The following KHDRBS2 variants were observed in gnomAD, a reference collection of about 807,000 sequenced individuals.
The protein encoded by KHDRBS2 is KH domain-containing, RNA-binding, signal transduction-associated protein 2.
In KHDRBS2, 26 loss-of-function variants were observed where a neutral mutation model predicts 44.3. The ratio of observed to expected loss-of-function variants is 0.59; its 90% CI spans 0.43 to 0.81. The LOEUF is 0.81. KHDRBS2 is among the 40% of genes least tolerant of loss of function. KHDRBS2 has a pLI of 0.00. For missense variants in KHDRBS2, 476 were observed against 433.1 expected, an observed-to-expected ratio of 1.10 and a Z score of -0.88; for synonymous variants, 194 against 151.1, an observed-to-expected ratio of 1.28 and a Z score of -2.08.
chr6:62,061,187 T>A lies in KHDRBS2; in HGVS notation c.220-13193A>T, dbSNP rs4437451. On this transcript the variant is annotated intron_variant, in intron 2 of 8. Coordinates refer to ENST00000281156, the MANE Select transcript of KHDRBS2 (RefSeq NM_152688.4). Reference sequence around the variant, plus strand: ...AGTCCATTTACATTTAGAGTTAATATTGTTATGTGTGAATTTGATCCTGTC... The same window carrying A: ...AGTCCATTTACATTTAGAGTTAATAATGTTATGTGTGAATTTGATCCTGTC... Among the ~76,000 whole-genome samples the A allele has an allele frequency of 1.7e-3, 252 of 151,952 alleles. 1 individual carries two copies. Among genetic ancestry groups the A allele is most frequent in the African/African-American group, 5.7e-3 (236 of 41,500 alleles).
intron 1 of KHDRBS2, among the ~76,000 whole-genome samples, chr6:62,264,546 A>G (rs1296513419): frequency 6.6e-6 from 1 of 151,610 alleles, no homozygotes; most frequent in Non-Finnish European, 1.5e-5. Flanking sequence ...TTCCTTTACT[A>G]TAGCCTTTAT....
chr6:61,943,131 G>T (rs1263291102), intron 4 of KHDRBS2, among the ~76,000 whole-genome samples: 5 of 99,796 alleles, frequency 5.0e-5, no homozygotes, highest in Non-Finnish European at 7.2e-5. Context: ...AGAAAAGAAA[G>T]AAAGAAATAA....
At chr6:62,146,258 T>C (rs1284804682) in intron 2 of KHDRBS2, among the ~76,000 whole-genome samples, 1 of 151,854 alleles carries the variant, frequency 6.6e-6, no homozygotes, top group Non-Finnish European at 1.5e-5. Flanking sequence ...CAAAATCTGC[T>C]ATAGCTTTTA....
chr6:61,928,178 T>G (rs1809331210), intron 4 of KHDRBS2, among the ~76,000 whole-genome samples: 1 of 152,118 alleles, frequency 6.6e-6, no homozygotes, highest in Admixed American at 6.5e-5. Flanking sequence ...AATGTGATTG[T>G]TATCAACTCA....
chr6:61,548,346 C>T, the KHDRBS2 span, among the ~76,000 whole-genome samples: 4 of 152,124 alleles, frequency 2.6e-5, no homozygotes, highest in African/African-American at 7.2e-5. Flanking sequence ...ATCATTAGAG[C>T]TCAAATTACC....
chr6:61,614,965 G>A, the KHDRBS2 span, among the ~76,000 whole-genome samples: 2 of 151,972 alleles, frequency 1.3e-5, no homozygotes, highest in Non-Finnish European at 2.9e-5. Context: ...TGGGCATGGT[G>A]GCTCATGCCT....
intron 2 of KHDRBS2, among the ~76,000 whole-genome samples, chr6:62,074,878 G>A (rs1796020523): frequency 6.6e-6 from 1 of 151,860 alleles, no homozygotes; most frequent in South Asian, 2.1e-4. Context: ...CTCAGTAAAT[G>A]TATTATGCAA....
rs199917057 is a variant in KHDRBS2 at position 62,242,634 on chromosome 6, T to TA, written c.91+43223dup. Among the ~76,000 whole-genome samples the TA allele has an allele frequency of 1.3e-3, 186 of 148,222 alleles. 2 individuals are homozygous for TA. In the East Asian group the frequency reaches 0.018, roughly 15 times the overall value. Reference sequence around the variant, plus strand: ...TACAGCAAACAAGAAAATCTTAATTTAAAAAAAAAAATATTTTTCCCCTAG... The same window carrying TA: ...TACAGCAAACAAGAAAATCTTAATTTAAAAAAAAAAAATATTTTTCCCCTAG... On this transcript the variant is annotated intron_variant, in intron 1 of 8. Coordinates refer to ENST00000281156, the MANE Select transcript of KHDRBS2 (RefSeq NM_152688.4).
chr6:61,580,537 G>A, the KHDRBS2 span, among the ~76,000 whole-genome samples: 1 of 152,120 alleles, frequency 6.6e-6, no homozygotes, highest in Admixed American at 6.6e-5. Context: ...TGGGTCTGCT[G>A]CTCACTCTGG....
At chr6:61,577,659 TA>T in the KHDRBS2 span, among the ~76,000 whole-genome samples, 1 of 152,098 alleles carries the variant, frequency 6.6e-6, no homozygotes, top group Non-Finnish European at 1.5e-5. Flanking sequence ...AATAGTAAAA[TA>T]AGAAATATAC....
chr6:61,942,115 C>G (rs995336656), intron 4 of KHDRBS2, among the ~76,000 whole-genome samples: 2 of 151,204 alleles, frequency 1.3e-5, no homozygotes, highest in African/African-American at 4.8e-5. Context: ...CACACCACAC[C>G]TACCCAATTA....
intron 2 of KHDRBS2, among the ~76,000 whole-genome samples, chr6:62,062,977 A>G (rs1792406136): frequency 6.6e-6 from 1 of 151,300 alleles, no homozygotes; most frequent in Non-Finnish European, 1.5e-5. Flanking sequence ...AATACAAACT[A>G]CCATCAGAGA....
intron 2 of KHDRBS2, among the ~76,000 whole-genome samples, chr6:62,067,028 A>C (rs1455336416): frequency 6.6e-6 from 1 of 151,594 alleles, no homozygotes. Flanking sequence ...TTAAGTTTTA[A>C]ATTTTAACTT....
intron 6 of KHDRBS2, among the ~76,000 whole-genome samples, chr6:61,782,686 T>TGG (rs1783130615): frequency 4.2e-5 from 1 of 23,958 alleles, no homozygotes; most frequent in African/African-American, 1.9e-4. Context: ...GTATAAAGGT[T>TGG]GTGTATATAT....
In KHDRBS2 at chr6:62,186,702, G is replaced by C. The variant is rs538696404; in HGVS notation, c.92-9390C>G. ...AAAAAATGTTGGAATCTTTTGGATA[G>C]TATTGTCATCTAACATTAAGCAGTG... On this transcript the variant is annotated intron_variant, in intron 1 of 8. Transcript: ENST00000281156. Among the ~76,000 whole-genome samples, 4 of 152,092 alleles carry C rather than the reference G, an allele frequency of 2.6e-5. No homozygotes were observed. The South Asian group carries it at 6.2e-4, about 24-fold the overall frequency.
At chr6:61,654,168 T>C in the KHDRBS2 span, among the ~76,000 whole-genome samples, 1 of 152,056 alleles carries the variant, frequency 6.6e-6, no homozygotes, top group Non-Finnish European at 1.5e-5. Context: ...TGTGAGTTAC[T>C]AGAAAGGGCG....
intron 2 of KHDRBS2, among the ~76,000 whole-genome samples, chr6:62,152,460 A>C (rs1815416318): frequency 6.6e-6 from 1 of 152,220 alleles, no homozygotes; most frequent in African/African-American, 2.4e-5. Context: ...CATTAAGACA[A>C]ATGGGATTGA....
intron 3 of KHDRBS2, among the ~76,000 whole-genome samples, chr6:62,030,007 C>A (rs530398703): frequency 1.3e-5 from 2 of 152,060 alleles, no homozygotes; most frequent in African/African-American, 2.4e-5. Flanking sequence ...AGAGTTCCAA[C>A]AAAAGACATG....
intron 6 of KHDRBS2, among the ~76,000 whole-genome samples, chr6:61,798,137 C>G (rs774485223): frequency 2.6e-5 from 4 of 152,032 alleles, no homozygotes; most frequent in Admixed American, 6.6e-5. Context: ...TTCTGTTCTG[C>G]GTTAATTTGC....
Sources: allele counts gnomAD v4.1 joint callset (sites outside exome capture counted in the v4.1 genomes callset), GRCh38; gene constraint gnomAD v4.1.1; transcripts MANE v1.5; gene names NCBI Gene and HGNC (gene_info 2026-07-23, HGNC 2026-07-21).